Variants in AMPH observed in about 807,000 individuals in gnomAD.
AMPH encodes amphiphysin (Stiff-Mann syndrome with breast cancer 128kD autoantigen).
A neutral mutation model predicts 99.1 loss-of-function variants in AMPH; 49 were observed. The ratio of observed to expected loss-of-function variants is 0.49; its 90% confidence interval spans 0.39 to 0.63. The LOEUF (loss-of-function observed/expected upper bound fraction) is 0.63, where lower values mean the gene tolerates loss of function less well. Ranked by LOEUF, AMPH falls within the 20% of genes least tolerant of loss-of-function variation. The pLI, the probability that AMPH is intolerant of heterozygous loss-of-function variation, is 0.00. For missense variants in AMPH, 759 were observed against 863.4 expected (o/e 0.88, Z 1.52); for synonymous variants, 314 against 317.3 (o/e 0.99, Z 0.11).
chr7:38,591,096 G>A lies in AMPH; in HGVS notation c.69+40187C>T, dbSNP rs150705136. On this transcript the variant is annotated intron_variant, in intron 1 of 20. Transcript: ENST00000356264. ...AGTTGTCTTATATTCAGGAGAATGC[G>A]GTAAATATCATTATCATAGGGCTAG... Among the ~76,000 whole-genome samples the A allele has an allele frequency of 3.1e-3, 476 of 152,052 alleles. 3 individuals are homozygous for A. The highest frequency in any genetic ancestry group is 0.014 in the Middle Eastern group (4 of 294).
At chr7:38,454,879 T>A (rs1031458877) in intron 11 of AMPH, among the ~76,000 whole-genome samples, 1 of 152,184 alleles carries the variant, frequency 6.6e-6, no homozygotes, top group Non-Finnish European at 1.5e-5. Context: ...TGGGCAAATA[T>A]GTTTTTGCAA....
intron 17 of AMPH, among the ~76,000 whole-genome samples, chr7:38,412,161 G>A (rs1216900555): frequency 6.6e-6 from 1 of 152,174 alleles, no homozygotes; most frequent in Non-Finnish European, 1.5e-5. Context: ...AGATAGAGGT[G>A]ATGACTGTAC....
intron 5 of AMPH, among the ~76,000 whole-genome samples, chr7:38,483,321 A>G (rs1788361788): frequency 6.6e-6 from 1 of 151,808 alleles, no homozygotes. Context: ...GAGGAAACAA[A>G]TAAGCAAATA....
intron 1 of AMPH, among the ~76,000 whole-genome samples, chr7:38,544,029 C>T (rs536874936): frequency 6.6e-6 from 1 of 152,190 alleles, no homozygotes; most frequent in Admixed American, 6.5e-5. Flanking sequence ...GCCCTAAAAA[C>T]AGGAGCAGAG....
intron 11 of AMPH, among the ~76,000 whole-genome samples, chr7:38,449,733 T>G (rs935371978): frequency 2.6e-5 from 4 of 152,216 alleles, no homozygotes; most frequent in African/African-American, 9.6e-5. Flanking sequence ...TCTTACTAAT[T>G]CTTTCTGTCT....
At position 38,609,796 on chromosome 7, in the gene AMPH, G is replaced by A. The variant is rs139943374; in HGVS notation, c.69+21487C>T. Among the ~76,000 whole-genome samples the A allele has an allele frequency of 2.8e-3, 426 of 152,142 alleles. 2 individuals carry two copies. Among genetic ancestry groups the A allele is most frequent in the African/African-American group, 9.7e-3 (403 of 41,508 alleles). The stretch of plus-strand genomic sequence containing the variant: ...TATATATTACATTCACAATTGTAAA[G>A]TATCTATTTCTAAAAATGGAAATTT... On this transcript the variant is annotated intron_variant, in intron 1 of 20. Coordinates refer to ENST00000356264, the MANE Select transcript of AMPH (RefSeq NM_001635.4).
At chr7:38,485,119 C>T (rs944355968) in intron 5 of AMPH, among the ~76,000 whole-genome samples, 1 of 151,804 alleles carries the variant, frequency 6.6e-6, no homozygotes, top group Non-Finnish European at 1.5e-5. Context: ...ACAGTAAATC[C>T]TTTCCTACTA....
At chr7:38,399,133 C>T (rs1237699444) in intron 17 of AMPH, among the ~76,000 whole-genome samples, 1 of 152,170 alleles carries the variant, frequency 6.6e-6, no homozygotes, top group Non-Finnish European at 1.5e-5. Context: ...AAAGAGAAGC[C>T]AAACAATTTT....
chr7:38,573,358 G>A (rs1485318765), intron 1 of AMPH, among the ~76,000 whole-genome samples: 1 of 121,626 alleles, frequency 8.2e-6, no homozygotes, highest in African/African-American at 3.3e-5. Flanking sequence ...GATAAAGCAG[G>A]AAAGAAATAC....
chr7:38,573,762 A>T (rs890044632), intron 1 of AMPH, among the ~76,000 whole-genome samples: 2 of 152,216 alleles, frequency 1.3e-5, no homozygotes, highest in African/African-American at 4.8e-5. Flanking sequence ...TTCAATAAAA[A>T]TAGTTAATGC....
chr7:38,565,768 G>A (rs980896824), intron 1 of AMPH, among the ~76,000 whole-genome samples: 1 of 152,144 alleles, frequency 6.6e-6, no homozygotes, highest in Admixed American at 6.5e-5. Context: ...GGGAGGCTGA[G>A]CTGCAAGAGT....
chr7:38,388,345 C>T (rs2128973011), intron 20 of AMPH, among the ~76,000 whole-genome samples: 1 of 151,942 alleles, frequency 6.6e-6, no homozygotes, highest in Non-Finnish European at 1.5e-5. Context: ...GTAATTTATG[C>T]TTTGTGACTT....
At chr7:38,446,108 C>T (rs1192819389) in intron 11 of AMPH, among the ~76,000 whole-genome samples, 1 of 152,176 alleles carries the variant, frequency 6.6e-6, no homozygotes, top group Non-Finnish European at 1.5e-5. Flanking sequence ...ATAAATTACC[C>T]AGTCTCAGGT....
chr7:38,603,954 C>T (rs1457327842), intron 1 of AMPH, among the ~76,000 whole-genome samples: 1 of 152,176 alleles, frequency 6.6e-6, no homozygotes, highest in Non-Finnish European at 1.5e-5. Flanking sequence ...AACGTGATGT[C>T]CTTTCTCTTC....
intron 1 of AMPH, among the ~76,000 whole-genome samples, chr7:38,603,487 G>A (rs764561861): frequency 2.0e-5 from 3 of 152,084 alleles, no homozygotes; most frequent in Non-Finnish European, 2.9e-5. Context: ...AACCTCCTTT[G>A]GACTCCATGG....
rs1194458378 is a variant in AMPH at position 38,558,573 on chromosome 7, T to G, written c.70-23562A>C. 2.0e-5 allele frequency among the ~76,000 whole-genome samples: 3 copies of G among 152,330 alleles called. No homozygotes were observed. In the South Asian group the frequency reaches 6.2e-4, roughly 32 times the overall value. On this transcript the variant is annotated intron_variant, in intron 1 of 20. Transcript: ENST00000356264. ...TGCAAGATGGTGGGAAAGACAGGAATAATGATGGGAAGGAGGGAGGAGGTG... is the reference window on the plus strand; with the variant it reads ...TGCAAGATGGTGGGAAAGACAGGAAGAATGATGGGAAGGAGGGAGGAGGTG...
chr7:38,611,794 A>T (rs1436395480), intron 1 of AMPH, among the ~76,000 whole-genome samples: 1 of 152,204 alleles, frequency 6.6e-6, no homozygotes, highest in East Asian at 1.9e-4. Flanking sequence ...AGGTGTCTCA[A>T]ATATTTTTCC....
In AMPH at chr7:38,466,781, A is replaced by G. The variant is rs189164517; in HGVS notation, c.591-533T>C. ...CTCTGAAATTTGTTTCATAGAAGGA[A>G]ATACAAAACCCGTAAATTAATTCTA... On this transcript the variant is annotated intron_variant, in intron 7 of 20. Transcript: ENST00000356264. 4.1e-4 allele frequency among the ~76,000 whole-genome samples: 62 copies of G among 152,292 alleles called. 1 individual carries two copies. The East Asian group carries it at 0.011, about 27-fold the overall frequency.
At chr7:38,539,095 C>A (rs1198951468) in intron 1 of AMPH, among the ~76,000 whole-genome samples, 2 of 152,154 alleles carry the variant, frequency 1.3e-5, no homozygotes, top group Non-Finnish European at 2.9e-5. Flanking sequence ...GGAAGAGAAT[C>A]CTTGACAGGA....
Sources: allele counts gnomAD v4.1 joint callset (sites outside exome capture counted in the v4.1 genomes callset), GRCh38; gene constraint gnomAD v4.1.1; transcripts MANE v1.5; gene names NCBI Gene and HGNC (gene_info 2026-07-23, HGNC 2026-07-21).